Variants in CERS2 observed in about 807,000 individuals in gnomAD.
CERS2 encodes ceramide synthase 2, also known as LAG1 homolog, ceramide synthase 2.
A neutral mutation model predicts 56.6 loss-of-function variants in CERS2; 20 were observed. That is an observed-to-expected ratio of 0.35 (90% CI 0.25 to 0.51). The LOEUF (loss-of-function observed/expected upper bound fraction) is 0.51. CERS2 is among the 20% of genes least tolerant of loss of function. CERS2 has a pLI of 0.96. For missense variants in CERS2, 361 were observed against 488.6 expected, an observed-to-expected ratio of 0.74 and a Z score of 2.46; for synonymous variants, 187 against 175.4, an observed-to-expected ratio of 1.07 and a Z score of -0.52.
At chr1:150,966,946 A>C in intron 8 of CERS2, 84 bp from the exon 9 acceptor site, 1 of 1,437,526 alleles carries the variant, frequency 7.0e-7, no homozygotes, top group Non-Finnish European at 9.8e-7. Context: ...AGGAGCACTG[A>C]CTCTGTGCCC....
At chr1:150,972,876 G>C (rs1187204279) in intron 1 of CERS2, among the ~76,000 whole-genome samples, 1 of 152,220 alleles carries the variant, frequency 6.6e-6, no homozygotes, top group Non-Finnish European at 1.5e-5. Context: ...GAAAGGAGCA[G>C]AGGATCCCCA....
At chr1:150,966,316 T>C in intron 10 of CERS2, 28 bp from the exon 11 acceptor site, 1 of 1,610,410 alleles carries the variant, frequency 6.2e-7, no homozygotes, top group South Asian at 1.1e-5. Flanking sequence ...GAAGGGTTAT[T>C]ACATGAGATC....
intron 1 of CERS2, chr1:150,971,723 G>A: frequency 2.9e-6 from 1 of 347,166 alleles, no homozygotes; most frequent in Non-Finnish European, 6.0e-6. Context: ...GAATAAAGAA[G>A]GGACAAGGGT....
At chr1:150,967,965 C>A in intron 4 of CERS2, 88 bp from the exon 5 acceptor site, 1 of 1,377,708 alleles carries the variant, frequency 7.3e-7, no homozygotes, top group Non-Finnish European at 1.0e-6. Flanking sequence ...TCACAAGATA[C>A]CATTAATAAC....
Position 150,967,059 on chromosome 1 carries a change from T to G in CERS2, c.741+15A>C. 1 of 1,613,880 alleles carries G rather than the reference T, an allele frequency of 6.2e-7. No individual in the cohort carries two copies. The highest frequency in any genetic ancestry group is 8.5e-7 in the Non-Finnish European group (1 of 1,179,878). On this transcript the variant is annotated intron_variant, in intron 8 of 10. Transcript: ENST00000368954. ...AGAACCTGCACCAGGGTCTCTAGATTTGAGGAAGCCTGACCTCCAGCAGGT... is the reference window on the plus strand; with the variant it reads ...AGAACCTGCACCAGGGTCTCTAGATGTGAGGAAGCCTGACCTCCAGCAGGT...
chr1:150,967,969 T>C, intron 4 of CERS2, 92 bp from the exon 5 acceptor site: 2 of 1,382,390 alleles, frequency 1.4e-6, no homozygotes. Flanking sequence ...AAGATACCAT[T>C]AATAACTGAA....
Position 150,966,621 on chromosome 1 carries a change from T to C in CERS2, c.857A>G (p.His286Arg), listed in dbSNP as rs753590439. 2 of 1,613,738 alleles carry C rather than the reference T, an allele frequency of 1.2e-6. No homozygotes were observed. The highest frequency in any genetic ancestry group is 1.1e-5 in the South Asian group (1 of 91,066). Residue 286 changes from histidine to arginine, a missense_variant, in exon 10 of 11, where the codon CAT becomes CGT. Physicochemically the swap from His to Arg is conservative, Grantham distance 29. Around this residue, in one of 3 missense-constraint regions of CERS2, gnomAD observed 122 missense variants for 151.9 expected, o/e 0.80. Transcript: ENST00000368954. ...CTCCAGTGGGTACACCAGGGTGCAA[T>C]GCAGGATCCTGAGGATTCAAGGAGA... ...RLVILPFWIL[H>R]CTLVYPLELY...
intron 7 of CERS2, 42 bp downstream of exon 7, chr1:150,967,350 C>A (rs1391578368): frequency 6.9e-7 from 1 of 1,456,592 alleles, no homozygotes; most frequent in Non-Finnish European, 9.6e-7. Flanking sequence ...CCCAGGGCCT[C>A]ATTTTGGCTC....
intron 9 of CERS2, 41 bp downstream of exon 9, chr1:150,966,715 G>A: frequency 6.2e-7 from 1 of 1,600,234 alleles, no homozygotes; most frequent in Non-Finnish European, 8.6e-7. Context: ...CAAGGCTCCT[G>A]ATTTCTTCAG....
Position 150,969,114 on chromosome 1 carries a change from G to C in CERS2, c.-1-23C>G, listed in dbSNP as rs768611735. 7.5e-6 allele frequency: 12 copies of C among 1,607,894 alleles called. No homozygotes were observed. In the East Asian group the frequency reaches 8.9e-5, roughly 12 times the overall value. The stretch of plus-strand genomic sequence containing the variant: ...ATCCTGAGTGAGGGGCAAAGGGGAG[G>C]GCATCAAGAGGGAGTAGCTATGGAG... On this transcript the variant is annotated intron_variant, in intron 1 of 10. Transcript: ENST00000368954.
In CERS2 at chr1:150,966,520, C is replaced by G. The variant is rs1671021680; in HGVS notation, c.958G>C (p.Ala320Pro). 2 of 1,614,040 alleles carry G rather than the reference C, an allele frequency of 1.2e-6. No individual in the cohort carries two copies. The highest frequency in any genetic ancestry group is 1.3e-5 in the African/African-American group (1 of 74,978). Residue 320 changes from alanine (A) to proline (P), a missense_variant, in exon 10 of 11, where the codon GCC (alanine) becomes CCC (proline). By Grantham distance (27) the Ala-to-Pro change is conservative. Transcript: ENST00000368954. ...TGGGCCATGCGCAAAATGAGGTAGGCCCAGAAGATATGCAGCAGCTGTAGA... is the reference window on the plus strand; with the variant it reads ...TGGGCCATGCGCAAAATGAGGTAGGGCCAGAAGATATGCAGCAGCTGTAGA... ...GVLQLLHIFW[A>P]YLILRMAHKF...
chr1:150,969,108 G>A lies in CERS2; in HGVS notation c.-1-17C>T. ...TGGAGCATCCTGAGTGAGGGGCAAA[G>A]GGGAGGGCATCAAGAGGGAGTAGCT... On this transcript the variant is annotated splice_polypyrimidine_tract_variant and intron_variant, in intron 1 of 10. Transcript: ENST00000368954. The A allele has an allele frequency of 3.7e-6, 6 of 1,612,268 alleles. No homozygotes were observed. Among genetic ancestry groups the A allele is most frequent in the Non-Finnish European group, 5.1e-6 (6 of 1,179,278 alleles).
chr1:150,972,928 C>T (rs909523970), intron 1 of CERS2, among the ~76,000 whole-genome samples: 5 of 152,094 alleles, frequency 3.3e-5, no homozygotes, highest in Non-Finnish European at 5.9e-5. Flanking sequence ...GCAGAAGTTT[C>T]GGCCTGAGAG....
intron 1 of CERS2, chr1:150,973,258 C>T (rs1329925496): frequency 1.3e-5 from 2 of 152,336 alleles, no homozygotes; most frequent in Non-Finnish European, 1.5e-5. Flanking sequence ...GAACAGTAGT[C>T]CTCAGCCTCA....
At position 150,967,660 on chromosome 1, in the gene CERS2, A is replaced by G; in HGVS notation, c.519+4T>C. ...ACCCCCACATGAGGAAGCAGAACTC[A>G]TACCTGTATGGGATATCCCTCCCAA... On this transcript the variant is annotated splice_donor_region_variant and intron_variant, in intron 6 of 10. Transcript: ENST00000368954. 2 of 1,611,538 alleles carry G rather than the reference A, an allele frequency of 1.2e-6. No individual in the cohort carries two copies. The highest frequency in any genetic ancestry group is 1.7e-6 in the Non-Finnish European group (2 of 1,177,616).
Position 150,974,779 on chromosome 1 carries a change from C to CGGG in CERS2, c.-163_-162insCCC, listed in dbSNP as rs1223888417. 2.6e-5 allele frequency: 4 copies of CGGG among 153,764 alleles called. No homozygotes were observed. Among genetic ancestry groups the CGGG allele is most frequent in the African/African-American group, 9.7e-5 (4 of 41,228 alleles). The allele number at this position is 153,764 out of a possible 1,614,324, so 9.5% of individuals were successfully genotyped here. On this transcript the variant is annotated 5_prime_UTR_variant, in exon 1 of 11. Coordinates refer to ENST00000368954, the MANE Select transcript of CERS2 (RefSeq NM_022075.5). ...CTCGCCCTCCCTCCTCCGCCAGCCG[C>CGGG]CGGCGCCGCCGCCGCCGCCCGCCGA...
At chr1:150,968,555 G>A (rs1280534115) in intron 2 of CERS2, 43 bp from the exon 3 acceptor site, 1 of 1,468,688 alleles carries the variant, frequency 6.8e-7, no homozygotes, top group Non-Finnish European at 9.5e-7. Flanking sequence ...TGCTGGGAAG[G>A]GAAAGGGCTG....
At chr1:150,971,219 A>T (rs763913377) in intron 1 of CERS2, among the ~76,000 whole-genome samples, 8 of 152,216 alleles carry the variant, frequency 5.3e-5, no homozygotes, top group Non-Finnish European at 1.0e-4. Context: ...AAGTGAAAGC[A>T]GAGACAGGAA....
At chr1:150,974,326 C>G (rs911094696) in intron 1 of CERS2, 13 of 151,750 alleles carry the variant, frequency 8.6e-5, no homozygotes, top group Admixed American at 2.0e-4. Context: ...ACCTGTTGCC[C>G]GGGAAAGCTT....
Sources: allele counts gnomAD v4.1 joint callset (sites outside exome capture counted in the v4.1 genomes callset), GRCh38; gene constraint gnomAD v4.1.1; regional missense constraint gnomAD v4.1.1; transcripts MANE v1.5; gene names NCBI Gene and HGNC (gene_info 2026-07-23, HGNC 2026-07-21).